Variants in ZC3H12B observed in about 807,000 individuals in gnomAD.
ZC3H12B encodes zinc finger CCCH-type containing 12B.
In ZC3H12B, 7 loss-of-function variants were observed where a neutral mutation model predicts 43.9. The observed-to-expected ratio is 0.16, with a 90% CI of 0.09 to 0.30. ZC3H12B has a LOEUF of 0.30. Among genes scored for constraint, ZC3H12B ranks in the 10% least tolerant of loss-of-function variants. The pLI is 1.00. For synonymous variants in ZC3H12B, 222 were observed against 241.7 expected (o/e 0.92, Z 0.76); for missense variants, 475 against 670.2 (o/e 0.71, Z 3.22).
chrX:65,353,933 G>A, the ZC3H12B span, among the ~76,000 whole-genome samples: 2 of 111,866 alleles, frequency 1.8e-5, no homozygotes, highest in African/African-American at 6.5e-5. Flanking sequence ...CTCTGGGCAG[G>A]GCATCTCAGG....
the ZC3H12B span, among the ~76,000 whole-genome samples, chrX:65,252,147 G>C: frequency 9.0e-6 from 1 of 111,708 alleles, no homozygotes. Context: ...TAGCATGAAG[G>C]GCTGTTGAAT....
chrX:65,388,071 C>A (rs1316466776), intron 2 of ZC3H12B, among the ~76,000 whole-genome samples: 2 of 111,598 alleles, frequency 1.8e-5, no homozygotes, highest in Non-Finnish European at 3.8e-5. Flanking sequence ...GCTGCCCTTG[C>A]CATTTTTTCC....
the ZC3H12B span, among the ~76,000 whole-genome samples, chrX:65,108,179 G>C: frequency 3.6e-5 from 4 of 111,280 alleles, no homozygotes; most frequent in African/African-American, 1.3e-4. Flanking sequence ...TATACATACT[G>C]TAGACTTTAT....
chrX:65,170,897 GTTC>G, the ZC3H12B span, among the ~76,000 whole-genome samples: 14 of 111,784 alleles, frequency 1.3e-4, no homozygotes, highest in African/African-American at 4.5e-4. Context: ...GGTCATTTAA[GTTC>G]TTCTCTATAC....
At chrX:65,284,256 A>C in the ZC3H12B span, among the ~76,000 whole-genome samples, 3 of 109,183 alleles carry the variant, frequency 2.7e-5, no homozygotes, top group African/African-American at 1.0e-4. Context: ...ACACACAAAA[A>C]AAAAAAAAAA....
At chrX:65,108,061 G>T in the ZC3H12B span, among the ~76,000 whole-genome samples, 2 of 111,030 alleles carry the variant, frequency 1.8e-5, no homozygotes, top group Non-Finnish European at 3.8e-5. Context: ...ATTAAAAATG[G>T]TACACCTGTA....
At chrX:65,265,023 A>G in the ZC3H12B span, among the ~76,000 whole-genome samples, 2 of 111,897 alleles carry the variant, frequency 1.8e-5, no homozygotes, top group Non-Finnish European at 3.8e-5. Context: ...AGAATTCGGG[A>G]CTGCAGACTT....
chrX:65,207,453 AATG>A, the ZC3H12B span, among the ~76,000 whole-genome samples: 1 of 110,904 alleles, frequency 9.0e-6, no homozygotes, highest in South Asian at 3.8e-4. Flanking sequence ...AAAGCATAAG[AATG>A]ATGACAATGC....
chrX:65,077,802 T>C, the ZC3H12B span, among the ~76,000 whole-genome samples: 1 of 112,099 alleles, frequency 8.9e-6, no homozygotes, highest in Non-Finnish European at 1.9e-5. Context: ...GTCTGGGATA[T>C]TTAGGAGGTA....
intron 3 of ZC3H12B, among the ~76,000 whole-genome samples, chrX:65,456,240 G>T (rs760406582): frequency 9.0e-6 from 1 of 111,355 alleles, no homozygotes; most frequent in East Asian, 2.8e-4. Context: ...CCCATCTCAC[G>T]TGCAGAGACA....
the ZC3H12B span, among the ~76,000 whole-genome samples, chrX:65,044,633 C>T: frequency 3.5e-4 from 39 of 110,188 alleles, no homozygotes; most frequent in African/African-American, 1.7e-4. Flanking sequence ...GTAACCCAGG[C>T]GAGAGAAAAT....
the ZC3H12B span, among the ~76,000 whole-genome samples, chrX:65,360,652 A>T: frequency 8.9e-6 from 1 of 112,657 alleles, no homozygotes; most frequent in Non-Finnish European, 1.9e-5. Context: ...TTCTTAAGTT[A>T]ATCATACAAC....
At chrX:65,179,798 C>G in the ZC3H12B span, among the ~76,000 whole-genome samples, 4 of 111,964 alleles carry the variant, frequency 3.6e-5, no homozygotes, top group African/African-American at 1.3e-4. Flanking sequence ...ACTCTCAAGA[C>G]TAAACTAAGG....
the ZC3H12B span, among the ~76,000 whole-genome samples, chrX:65,105,789 T>A: frequency 9.0e-6 from 1 of 110,943 alleles, no homozygotes; most frequent in East Asian, 2.9e-4. Context: ...TGGGTGGTGA[T>A]AGGGAAGCAT....
chrX:65,438,793 G>A (rs985151765), intron 3 of ZC3H12B, among the ~76,000 whole-genome samples: 1 of 113,350 alleles, frequency 8.8e-6, no homozygotes, highest in African/African-American at 3.2e-5. Context: ...GGCGGGCCAG[G>A]TGTTCCTTGC....
chrX:65,123,755 G>C, the ZC3H12B span, among the ~76,000 whole-genome samples: 1 of 93,668 alleles, frequency 1.1e-5, no homozygotes, highest in Non-Finnish European at 2.1e-5. Flanking sequence ...TGCAACTCTT[G>C]TGAAAGGGGT....
At chrX:65,300,047 G>C in the ZC3H12B span, among the ~76,000 whole-genome samples, 44 of 112,564 alleles carry the variant, frequency 3.9e-4, no homozygotes, top group South Asian at 0.013. Flanking sequence ...TGTCTCACAA[G>C]GGTGTTTGGG....
the ZC3H12B span, among the ~76,000 whole-genome samples, chrX:65,253,426 A>T: frequency 8.9e-6 from 1 of 112,290 alleles, no homozygotes; most frequent in South Asian, 3.7e-4. Context: ...CTGCTTAGAC[A>T]GTTGATAGGG....
At chrX:65,112,919 G>A in the ZC3H12B span, among the ~76,000 whole-genome samples, 1 of 112,108 alleles carries the variant, frequency 8.9e-6, no homozygotes, top group South Asian at 3.6e-4. Context: ...CTAGCTGCCA[G>A]AGATAATGAT....
Sources: allele counts gnomAD v4.1 joint callset (sites outside exome capture counted in the v4.1 genomes callset), GRCh38; gene constraint gnomAD v4.1.1; transcripts MANE v1.5; gene names NCBI Gene and HGNC (gene_info 2026-07-23, HGNC 2026-07-21).